The following FBXO34 variants were observed in gnomAD, a reference collection of about 807,000 sequenced individuals.
FBXO34 encodes the protein F-box protein 34, also known as F-box only protein 34.
FBXO34 carries 12 observed loss-of-function variants against 24.5 expected under a neutral mutation model. That is an observed-to-expected ratio of 0.49 (90% CI 0.31 to 0.79). The LOEUF is 0.79. Among genes scored for constraint, FBXO34 ranks in the 30% least tolerant of loss-of-function variants. The pLI, the probability that FBXO34 is intolerant of heterozygous loss-of-function variation, is 0.04. For synonymous variants in FBXO34, 320 were observed against 311.9 expected (o/e 1.03, Z -0.27); for missense variants, 823 against 857.7 (o/e 0.96, Z 0.51).
At chr14:55,376,946 T>C in the FBXO34 span, among the ~76,000 whole-genome samples, 2 of 152,178 alleles carry the variant, frequency 1.3e-5, no homozygotes, top group Admixed American at 6.5e-5. Flanking sequence ...CTGGTTGGTA[T>C]TTTTTGTTTA....
chr14:55,276,959 G>T (rs1236211021), intron 1 of FBXO34, among the ~76,000 whole-genome samples: 1 of 152,142 alleles, frequency 6.6e-6, no homozygotes, highest in African/African-American at 2.4e-5. Flanking sequence ...GAGAAACAAG[G>T]CCAGGTGAAT....
chr14:55,341,901 C>T (rs891337272), intron 1 of FBXO34, among the ~76,000 whole-genome samples: 1 of 152,164 alleles, frequency 6.6e-6, no homozygotes, highest in African/African-American at 2.4e-5. Context: ...TAATAATTCA[C>T]AACAGCTTAA....
intron 1 of FBXO34, among the ~76,000 whole-genome samples, chr14:55,294,238 T>G (rs1882046088): frequency 6.6e-6 from 1 of 152,212 alleles, no homozygotes; most frequent in East Asian, 1.9e-4. Context: ...TGTTAGTTCC[T>G]TGAGGGCTTT....
At chr14:55,287,118 C>T (rs1436743425) in intron 1 of FBXO34, among the ~76,000 whole-genome samples, 1 of 152,004 alleles carries the variant, frequency 6.6e-6, no homozygotes, top group Non-Finnish European at 1.5e-5. Context: ...GTTGGCCAGG[C>T]TGGTCTTGAA....
chr14:55,347,024 C>T (rs539793210), intron 1 of FBXO34, among the ~76,000 whole-genome samples: 1 of 152,136 alleles, frequency 6.6e-6, no homozygotes, highest in African/African-American at 2.4e-5. Context: ...GATTCTGGGC[C>T]CAGTCTGAGA....
the FBXO34 span, chr14:55,411,892 G>A: frequency 1.4e-6 from 2 of 1,398,956 alleles, 1 homozygote; most frequent in South Asian, 2.7e-5. Context: ...GCCAGGAGGA[G>A]GGGCCTGGGG....
At chr14:55,437,652 A>G in the FBXO34 span, among the ~76,000 whole-genome samples, 82 of 152,256 alleles carry the variant, frequency 5.4e-4, 1 homozygote, top group Non-Finnish European at 1.6e-4. Context: ...CATGCTCTAA[A>G]TTGTTGTATA....
intron 1 of FBXO34, among the ~76,000 whole-genome samples, chr14:55,333,210 C>T (rs1695829903): frequency 6.6e-6 from 1 of 152,126 alleles, no homozygotes; most frequent in Non-Finnish European, 1.5e-5. Context: ...TATTAGTTGT[C>T]TCTAAGATTG....
the FBXO34 span, among the ~76,000 whole-genome samples, chr14:55,426,004 A>AT: frequency 6.6e-6 from 1 of 152,166 alleles, no homozygotes; most frequent in African/African-American, 2.4e-5. Context: ...GCGGTGGCTC[A>AT]CACCTGTAAT....
the FBXO34 span, among the ~76,000 whole-genome samples, chr14:55,412,824 A>G: frequency 6.7e-6 from 1 of 148,484 alleles, no homozygotes; most frequent in Non-Finnish European, 1.5e-5. Context: ...CCACAAACTC[A>G]AAGTGTTGGA....
chr14:55,382,178 C>G, the FBXO34 span: 1 of 1,614,170 alleles, frequency 6.2e-7, no homozygotes, highest in Non-Finnish European at 8.5e-7. Context: ...TCTGAAGACA[C>G]ATCTGCGGGG....
intron 1 of FBXO34, among the ~76,000 whole-genome samples, chr14:55,332,993 A>G (rs1422605027): frequency 6.6e-6 from 1 of 152,168 alleles, no homozygotes; most frequent in Admixed American, 6.5e-5. Context: ...TTGTGAAAAT[A>G]CTTTGTCGAT....
At chr14:55,392,370 C>A in the FBXO34 span, among the ~76,000 whole-genome samples, 1 of 152,048 alleles carries the variant, frequency 6.6e-6, no homozygotes. Context: ...GATCTATGGC[C>A]GGGTGCAGTG....
intron 1 of FBXO34, among the ~76,000 whole-genome samples, chr14:55,295,498 G>C (rs865990163): frequency 1.3e-5 from 2 of 148,216 alleles, no homozygotes; most frequent in South Asian, 2.1e-4. Context: ...GGGCTCAAGC[G>C]ATTCTCCAGC....
the FBXO34 span, among the ~76,000 whole-genome samples, chr14:55,439,623 C>G: frequency 7.3e-6 from 1 of 136,742 alleles, no homozygotes; most frequent in Non-Finnish European, 1.6e-5. Flanking sequence ...AACCCCCCCC[C>G]GTCTCTACTA....
At chr14:55,411,488 G>C in the FBXO34 span, 10 of 1,034,444 alleles carry the variant, frequency 9.7e-6, no homozygotes, top group Admixed American at 2.2e-4. Flanking sequence ...CCTCTCTCTC[G>C]CTCCTCTCGC....
downstream of FBXO34, among the ~76,000 whole-genome samples, chr14:55,354,776 A>G (rs1478313662): frequency 6.6e-6 from 1 of 152,128 alleles, no homozygotes; most frequent in East Asian, 1.9e-4. Flanking sequence ...CTTTCCTCTT[A>G]GGTGAAAGAT....
the FBXO34 span, among the ~76,000 whole-genome samples, chr14:55,383,880 A>C: frequency 6.6e-6 from 1 of 152,190 alleles, no homozygotes; most frequent in African/African-American, 2.4e-5. Flanking sequence ...TGGGATGCAC[A>C]AGGGAAGTGC....
chr14:55,439,565 G>A, the FBXO34 span, among the ~76,000 whole-genome samples: 1 of 149,078 alleles, frequency 6.7e-6, no homozygotes, highest in Non-Finnish European at 1.5e-5. Flanking sequence ...CAAGGTGGGT[G>A]GGATGACTTG....
Sources: allele counts gnomAD v4.1 joint callset (sites outside exome capture counted in the v4.1 genomes callset), GRCh38; gene constraint gnomAD v4.1.1; transcripts MANE v1.5; gene names NCBI Gene and HGNC (gene_info 2026-07-23, HGNC 2026-07-21).